Variants in ERCC2 observed in about 807,000 individuals in gnomAD.
ERCC2 encodes the protein general transcription and DNA repair factor IIH helicase subunit XPD.
In ERCC2, 90 loss-of-function variants were observed where a neutral mutation model predicts 99.4. The ratio of observed to expected loss-of-function variants is 0.91; its 90% CI spans 0.76 to 1.08. The LOEUF is 1.08. Ranked by LOEUF, ERCC2 falls within the 50% of genes least tolerant of loss-of-function variation. The pLI is 0.00. For missense variants in ERCC2, 993 were observed against 1,038.1 expected (o/e 0.96, Z 0.60); for synonymous variants, 497 against 432.4 (o/e 1.15, Z -1.85).
rs1908030822 is a variant in ERCC2, at chr19:45,351,179, G to T, written c.*450C>A. On this transcript the variant is annotated 3_prime_UTR_variant, in exon 23 of 23. Transcript: ENST00000391945. ...AAAGATGGGTTTTACTTGGGGTAGA[G>T]GCGAGGGGGTTGGATAGTTGGCTGC... is the stretch of plus-strand genomic sequence containing the variant. 2 of 1,586,136 alleles carry T rather than the reference G, an allele frequency of 1.3e-6. No individual in the cohort carries two copies. The highest frequency in any genetic ancestry group is 1.3e-5 in the African/African-American group (1 of 74,688).
chr19:45,365,769 C>A (rs1169744455), intron 5 of ERCC2, among the ~76,000 whole-genome samples: 1 of 143,988 alleles, frequency 6.9e-6, no homozygotes, highest in South Asian at 2.3e-4. Flanking sequence ...CCACCCTGGG[C>A]CACGGAGCCA....
Position 45,350,718 on chromosome 19 carries a change from C to CCGAGG in ERCC2, c.*906_*910dup. ...GAAGTGAGAAGCTGGTCTCCCGGCT[C>CCGAGG]CGAGGCGAGGCGGCGGCAGGAGCAG... On this transcript the variant is annotated 3_prime_UTR_variant, in exon 23 of 23. Coordinates refer to ENST00000391945, the MANE Select transcript of ERCC2 (RefSeq NM_000400.4). 1 of 1,613,274 alleles carries CCGAGG rather than the reference C, an allele frequency of 6.2e-7. No individual in the cohort carries two copies. Among genetic ancestry groups the CCGAGG allele is most frequent in the Non-Finnish European group, 8.5e-7 (1 of 1,179,776 alleles).
In ERCC2 at chr19:45,364,062, C is replaced by G. The variant is rs552090174; in HGVS notation, c.873G>C (p.Gly291=). The part of the protein sequence containing the change: ...LRDEYRRLVE[G]LREASAARET... ...CCCGGGCGGCGCTGGCCTCCCGCAG[C>G]CCCTCCACCAGACGCCGGTACTCGT... The change falls in exon 10 of 23, where the codon GGG becomes GGC. Residue 291 remains glycine, a synonymous_variant. Coordinates refer to ENST00000391945, the MANE Select transcript of ERCC2 (RefSeq NM_000400.4). 1 of 1,582,032 alleles carries G rather than the reference C, an allele frequency of 6.3e-7. No homozygotes were observed. The highest frequency in any genetic ancestry group is 1.1e-5 in the South Asian group (1 of 87,638).
Position 45,351,227 on chromosome 19 carries a change from G to T in ERCC2, c.*402C>A. 6.3e-7 allele frequency: 1 copy of T among 1,591,422 alleles called. No individual in the cohort carries two copies. The highest frequency in any genetic ancestry group is 2.2e-5 in the East Asian group (1 of 44,670). On this transcript the variant is annotated 3_prime_UTR_variant, in exon 23 of 23. Transcript: ENST00000391945. ...TGCCAGGCTGGACCTGGAGCTGGAG[G>T]GTGGATGTAACACTTGCCCCTCACC... is the stretch of plus-strand genomic sequence containing the variant.
chr19:45,353,728 C>G (rs982532000), intron 17 of ERCC2, among the ~76,000 whole-genome samples: 1 of 152,116 alleles, frequency 6.6e-6, no homozygotes, highest in Admixed American at 6.5e-5. Flanking sequence ...AATGGAGAGT[C>G]CAGAAACACA....
intron 11 of ERCC2, among the ~76,000 whole-genome samples, chr19:45,362,153 T>C (rs1020431058): frequency 6.6e-6 from 1 of 152,086 alleles, no homozygotes; most frequent in African/African-American, 2.4e-5. Flanking sequence ...CTTGAACTTC[T>C]GACCTCGTGA....
At chr19:45,368,907 C>A (rs772590754) in intron 4 of ERCC2, 23 bp downstream of exon 4, 2 of 1,613,452 alleles carry the variant, frequency 1.2e-6, no homozygotes, top group Non-Finnish European at 1.7e-6. Flanking sequence ...GGGGCTGGAG[C>A]ACCAGGATGA....
rs778241246 is a variant in ERCC2 at position 45,364,859 on chromosome 19, T to A, written c.573A>T (p.Pro191=). Residue 191 remains proline (P), a synonymous_variant, in exon 7 of 23, where the codon CCA becomes CCT. Transcript: ENST00000391945. ...TCACTGAGTATCGAGCAAGGAAGTA[T>A]GGGCACCAGCCCTGGCGCCGCCCCA... ...KALGRRQGWC[P]YFLARYSILH... The A allele has an allele frequency of 3.1e-6, 5 of 1,613,288 alleles. No individual in the cohort carries two copies. The South Asian group carries it at 4.4e-5, about 14-fold the overall frequency.
chr19:45,364,924 G>A lies in ERCC2; in HGVS notation c.508C>T (p.Leu170Phe), dbSNP rs375479622. Residue 170 changes from leucine (L) to phenylalanine (F), a missense_variant, in exon 7 of 23, where the codon CTC (leucine) becomes TTC (phenylalanine). Leu to Phe is a conservative substitution (Grantham distance 22). This residue lies in a region of ERCC2 where 909 missense variants were observed against 930.8 expected (regional missense o/e 0.98). Coordinates refer to ENST00000391945, the MANE Select transcript of ERCC2 (RefSeq NM_000400.4). ...EFDAHGREVP[L>F]PAGIYNLDDL... ...TCCAGGTTGTAGATGCCAGCGGGGA[G>A]GGGCACCTCACGCCCATGGGCATCA... 1.4e-5 allele frequency: 23 copies of A among 1,614,130 alleles called. No homozygotes were observed. Among genetic ancestry groups the A allele is most frequent in the Non-Finnish European group, 1.9e-5 (22 of 1,180,016 alleles).
Position 45,349,847 on chromosome 19 carries a change from A to G in ERCC2, c.*1782T>C. ...GCTGGCAGGCACAGGTGGCAGCAGCAGACATTTATTGAGCTCACTGTGGCC... is the reference window on the plus strand; with the variant it reads ...GCTGGCAGGCACAGGTGGCAGCAGCGGACATTTATTGAGCTCACTGTGGCC... On this transcript the variant is annotated 3_prime_UTR_variant, in exon 23 of 23. Transcript: ENST00000391945. The G allele has an allele frequency of 1.9e-6, 1 of 526,218 alleles. No individual in the cohort carries two copies. 32.6% of individuals were successfully genotyped at this position (526,218 alleles called of 1,614,324 possible).
intron 15 of ERCC2, among the ~76,000 whole-genome samples, chr19:45,356,456 T>C (rs1199909740): frequency 6.6e-6 from 1 of 152,206 alleles, no homozygotes; most frequent in Non-Finnish European, 1.5e-5. Context: ...CAGACCCCAC[T>C]GTGGGCATCA....
At chr19:45,356,996 C>T (rs1027357701) in intron 15 of ERCC2, among the ~76,000 whole-genome samples, 1 of 152,166 alleles carries the variant, frequency 6.6e-6, no homozygotes, top group Non-Finnish European at 1.5e-5. Context: ...AGGCCCTGGG[C>T]GACCTAAGTG....
intron 10 of ERCC2, 26 bp downstream of exon 10, chr19:45,363,960 G>GT (rs1480484122): frequency 6.5e-7 from 1 of 1,537,770 alleles, no homozygotes; most frequent in African/African-American, 1.4e-5. Flanking sequence ...AAAGGGACTG[G>GT]GGGGCAGCGG....
intron 5 of ERCC2, among the ~76,000 whole-genome samples, chr19:45,366,332 G>A (rs569364195): frequency 1.3e-3 from 204 of 152,058 alleles, no homozygotes; most frequent in Non-Finnish European, 2.1e-3. Flanking sequence ...AGTAGAGACA[G>A]GGTTTCTCCA....
rs1249198184 is a variant in ERCC2 at position 45,364,543 on chromosome 19, A to T, written c.599T>A (p.Leu200Gln). The change falls in exon 8 of 23, where the codon CTG (leucine) becomes CAG (glutamine). Residue 200 changes from leucine (L) to glutamine (Q), a missense_variant. Leu to Gln is a moderately radical substitution (Grantham distance 113, BLOSUM62 -2). Coordinates refer to ENST00000391945, the MANE Select transcript of ERCC2 (RefSeq NM_000400.4). Reference sequence around the variant, plus strand: ...GCTATAAACCACCACATTGGCATGCAGGATCTGGGGGGCCGGGGAGCAGGG... The same window carrying T: ...GCTATAAACCACCACATTGGCATGCTGGATCTGGGGGGCCGGGGAGCAGGG... Reference protein sequence around the residue: ...CPYFLARYSILHANVVVYSYH... With the variant: ...CPYFLARYSIQHANVVVYSYH... 1 of 1,613,056 alleles carries T rather than the reference A, an allele frequency of 6.2e-7. No homozygotes were observed. Among genetic ancestry groups the T allele is most frequent in the Non-Finnish European group, 8.5e-7 (1 of 1,179,980 alleles).
chr19:45,370,127 A>G lies in ERCC2; in HGVS notation c.105+6T>C. 6.2e-7 allele frequency: 1 copy of G among 1,612,784 alleles called. No individual in the cohort carries two copies. Among genetic ancestry groups the G allele is most frequent in the Non-Finnish European group, 8.5e-7 (1 of 1,179,124 alleles). ...AGTGGGCGGGTCGGGCCCACCGGCC[A>G]CCCACCTTGGCGTCCAGCGTGCGTT... On this transcript the variant is annotated splice_donor_region_variant and intron_variant, in intron 2 of 22. Coordinates refer to ENST00000391945, the MANE Select transcript of ERCC2 (RefSeq NM_000400.4).
At chr19:45,355,000 G>A (rs1271106127) in intron 16 of ERCC2, 149 bp from the exon 17 acceptor site, 5 of 998,410 alleles carry the variant, frequency 5.0e-6, no homozygotes, top group Non-Finnish European at 7.7e-6. Flanking sequence ...GCGTGTCTGA[G>A]GACCCGCCTT....
At chr19:45,356,893 C>T (rs73940014) in intron 15 of ERCC2, among the ~76,000 whole-genome samples, 11 of 152,250 alleles carry the variant, frequency 7.2e-5, no homozygotes, top group Admixed American at 2.0e-4. Context: ...GTTACAGAGA[C>T]GGAGACGGAG....
rs1315255206 is a variant in ERCC2, at chr19:45,370,348, C to T, written c.6-116G>A. The T allele has an allele frequency of 7.2e-6, 11 of 1,531,196 alleles. No individual in the cohort carries two copies. The East Asian group carries it at 1.2e-4, about 17-fold the overall frequency. The allele number at this position is 1,531,196 out of a possible 1,614,324, so 94.9% of individuals were successfully genotyped here. A position where few individuals can be genotyped will look rare whatever the true frequency, so the allele number is the denominator to read the frequency against. On this transcript the variant is annotated intron_variant, in intron 1 of 22. Transcript: ENST00000391945. ...CGGGCCCGGCGCCCCCGGTAACCCT[C>T]AGGTCCTCAGGAGCCTCGGGGCCCC...
Sources: gnomAD v4.1 joint callset for allele counts (sites outside exome capture counted in the v4.1 genomes callset) on GRCh38, gnomAD v4.1.1 for gene constraint, gnomAD v4.1.1 regional missense constraint, MANE v1.5 for transcripts, NCBI Gene and HGNC (gene_info 2026-07-23, HGNC 2026-07-21) for gene names.